Variants in ZC3HAV1L observed in about 807,000 individuals in gnomAD.
The protein encoded by ZC3HAV1L is ZC3HAV1 like.
A neutral mutation model predicts 28.2 loss-of-function variants in ZC3HAV1L; 23 were observed. The ratio of observed to expected loss-of-function variants is 0.82; its 90% CI spans 0.59 to 1.16. The LOEUF is 1.16. ZC3HAV1L is among the 50% of genes most tolerant of loss of function. The probability of loss-of-function intolerance (pLI) is 0.00; values close to 1 mark genes in which losing one functional copy is unlikely to be tolerated. For missense variants in ZC3HAV1L, 376 were observed against 387.7 expected, an observed-to-expected ratio of 0.97 and a Z score of 0.25; for synonymous variants, 180 against 163.4, an observed-to-expected ratio of 1.10 and a Z score of -0.78.
chr7:139,025,517 C>G (rs1815330348), downstream of ZC3HAV1L, among the ~76,000 whole-genome samples: 1 of 151,550 alleles, frequency 6.6e-6, no homozygotes, highest in South Asian at 2.1e-4. Flanking sequence ...GTTATATACT[C>G]TGTACTACTG....
At chr7:139,029,549 T>C (rs184103664) in intron 2 of ZC3HAV1L, among the ~76,000 whole-genome samples, 1 of 152,174 alleles carries the variant, frequency 6.6e-6, no homozygotes, top group South Asian at 2.1e-4. Flanking sequence ...CTGTAGCCAA[T>C]GAATGACTTA....
At position 139,028,977 on chromosome 7, in the gene ZC3HAV1L, G is replaced by T. The variant is rs1054615368; in HGVS notation, c.502-17C>A. 1.9e-6 allele frequency: 3 copies of T among 1,601,162 alleles called. No individual in the cohort carries two copies. The highest frequency in any genetic ancestry group is 2.2e-5 in the East Asian group (1 of 44,634). ...CAAACAGACCTGGTACAGAAATGAG[G>T]GAACACCTGAAATATTAGTTTTTCT... On this transcript the variant is annotated splice_polypyrimidine_tract_variant and intron_variant, in intron 2 of 4. Transcript: ENST00000275766.
intron 2 of ZC3HAV1L, among the ~76,000 whole-genome samples, chr7:139,033,305 T>C (rs1317914790): frequency 6.6e-6 from 1 of 152,226 alleles, no homozygotes; most frequent in Admixed American, 6.5e-5. Flanking sequence ...ATGACACTAT[T>C]TTGGCTTTCC....
downstream of ZC3HAV1L, among the ~76,000 whole-genome samples, chr7:139,024,481 T>C (rs1563112663): frequency 6.6e-6 from 1 of 152,126 alleles, no homozygotes; most frequent in Admixed American, 6.5e-5. Flanking sequence ...CATAGTAAAA[T>C]GGTAAGTGTA....
At chr7:139,035,036 G>GGC in intron 1 of ZC3HAV1L, 1 of 985,440 alleles carries the variant, frequency 1.0e-6, no homozygotes, top group Non-Finnish European at 1.2e-6. Flanking sequence ...GCACCGCTTT[G>GGC]GCGGGGTGTG....
At chr7:139,035,566 G>GC (rs1815682772) in intron 1 of ZC3HAV1L, 87 bp downstream of exon 1, 6 of 1,338,584 alleles carry the variant, frequency 4.5e-6, no homozygotes, top group Middle Eastern at 5.5e-4. Flanking sequence ...GCAGGACGAA[G>GC]CCCCCCTTCC....
chr7:139,025,449 C>CAA (rs11399688), downstream of ZC3HAV1L, among the ~76,000 whole-genome samples: 809 of 136,246 alleles, frequency 5.9e-3, 7 homozygotes, highest in African/African-American at 0.019. Context: ...ACTCTGTCTC[C>CAA]AAAAAAAAAA....
downstream of ZC3HAV1L, among the ~76,000 whole-genome samples, chr7:139,024,657 G>C (rs112387855): frequency 1.8e-4 from 27 of 152,264 alleles, 1 homozygote; most frequent in African/African-American, 6.3e-4. Context: ...TTATCCATTA[G>C]GAGAAAACAC....
At chr7:139,035,037 G>A in intron 1 of ZC3HAV1L, 2 of 985,440 alleles carry the variant, frequency 2.0e-6, no homozygotes, top group Non-Finnish European at 2.4e-6. Context: ...CACCGCTTTG[G>A]CGGGGTGTGT....
At chr7:139,035,029 C>G (rs1815658522) in intron 1 of ZC3HAV1L, 1 of 985,340 alleles carries the variant, frequency 1.0e-6, no homozygotes, top group African/African-American at 1.7e-5. Flanking sequence ...ATCCCCAGCA[C>G]CGCTTTGGCG....
chr7:139,025,235 G>A (rs181857562), downstream of ZC3HAV1L, among the ~76,000 whole-genome samples: 584 of 152,226 alleles, frequency 3.8e-3, 4 homozygotes, highest in African/African-American at 0.013. Context: ...GATCACCTGA[G>A]GTCAGGAGTT....
intron 2 of ZC3HAV1L, chr7:139,034,014 T>C (rs1815616890): frequency 1.0e-6 from 1 of 985,228 alleles, no homozygotes; most frequent in South Asian, 4.7e-5. Flanking sequence ...TGCTTGTTCC[T>C]GAGATCAACT....
Position 139,034,671 on chromosome 7 carries a change from AG to A in ZC3HAV1L, c.372del (p.Cys125ValfsTer16). 1 of 1,613,928 alleles carries A rather than the reference AG, an allele frequency of 6.2e-7. No homozygotes were observed. The highest frequency in any genetic ancestry group is 8.5e-7 in the Non-Finnish European group (1 of 1,179,840). On this transcript the variant is annotated frameshift_variant, in exon 2 of 5. Coordinates refer to ENST00000275766, the MANE Select transcript of ZC3HAV1L (RefSeq NM_080660.4). LOFTEE classifies it high-confidence loss of function. ...GKCPNRDCWS[T>X]CTLSHDIHTP... ...GTGTGGATATCATGGGAAAGGGTAC[AG>A]GTAGACCTAAAAGAACAAAGCCCTC...
In ZC3HAV1L at chr7:139,035,866, A is replaced by T; in HGVS notation, c.152T>A (p.Leu51Gln). The T allele has an allele frequency of 6.6e-7, 1 of 1,510,000 alleles. No individual in the cohort carries two copies. Among genetic ancestry groups the T allele is most frequent in the Non-Finnish European group, 8.8e-7 (1 of 1,136,976 alleles). 93.5% of individuals were successfully genotyped at this position (1,510,000 alleles called of 1,614,324 possible). A position where few individuals can be genotyped will look rare whatever the true frequency, so the allele number is the denominator to read the frequency against. Reference protein sequence around the residue: ...LQRAGPERFLLQEVETQEGLG... With the variant: ...LQRAGPERFLQQEVETQEGLG... The stretch of plus-strand genomic sequence containing the variant: ...GCCCTCCTGCGTCTCCACCTCCTGC[A>T]GCAGGAAACGCTCGGGCCCGGCGCG... Residue 51 changes from leucine (L) to glutamine (Q), a missense_variant, in exon 1 of 5, where the codon CTG becomes CAG. Leu to Gln is a moderately radical substitution (Grantham distance 113). Transcript: ENST00000275766.
At chr7:139,027,503 T>C (rs1815389771) in intron 3 of ZC3HAV1L, among the ~76,000 whole-genome samples, 1 of 152,028 alleles carries the variant, frequency 6.6e-6, no homozygotes, top group Non-Finnish European at 1.5e-5. Context: ...CAAAACCTTG[T>C]CCCTACAAAA....
In ZC3HAV1L at chr7:139,026,953, C is replaced by T. The variant is rs1031207777; in HGVS notation, c.761-120G>A. On this transcript the variant is annotated intron_variant, in intron 3 of 4. Transcript: ENST00000275766. ...TCCCAACACATGGATTTGGAGAGTT[C>T]ATGTCTTCTGGATTTTAAAAAATTG... The T allele has an allele frequency of 2.6e-5, 30 of 1,160,006 alleles. 2 individuals are homozygous for T. The South Asian group carries it at 4.6e-4, about 18-fold the overall frequency. 71.9% of individuals were successfully genotyped at this position (1,160,006 alleles called of 1,614,324 possible). A position where few individuals can be genotyped will look rare whatever the true frequency, so the allele number is the denominator to read the frequency against.
Position 139,027,887 on chromosome 7 carries a change from T to C in ZC3HAV1L, c.760+815A>G, listed in dbSNP as rs552319948. ...TAAAATTGTAACAAGTATAGTAGATTAGAGTGAGCAAAATCATATACAATT... is the reference window on the plus strand; with the variant it reads ...TAAAATTGTAACAAGTATAGTAGATCAGAGTGAGCAAAATCATATACAATT... On this transcript the variant is annotated intron_variant, in intron 3 of 4. Coordinates refer to ENST00000275766, the MANE Select transcript of ZC3HAV1L (RefSeq NM_080660.4). 1.6e-4 allele frequency among the ~76,000 whole-genome samples: 24 copies of C among 152,306 alleles called. No individual in the cohort carries two copies. The South Asian group carries it at 4.3e-3, about 28-fold the overall frequency.
At chr7:139,034,387 C>A in intron 2 of ZC3HAV1L, among the ~76,000 whole-genome samples, 156 bp downstream of exon 2, 1 of 152,094 alleles carries the variant, frequency 6.6e-6, no homozygotes, top group Non-Finnish European at 1.5e-5. Flanking sequence ...TACTATTTCG[C>A]CATGATAGCA....
In ZC3HAV1L at chr7:139,028,674, C is replaced by G. The variant is rs895850369; in HGVS notation, c.760+28G>C. Reference sequence around the variant, plus strand: ...GCATCGCAAAACCATATCGCTGATACTTCTCTGTCCTTCTTGGATATTCCT... The same window carrying G: ...GCATCGCAAAACCATATCGCTGATAGTTCTCTGTCCTTCTTGGATATTCCT... On this transcript the variant is annotated intron_variant, in intron 3 of 4. Transcript: ENST00000275766. 1.9e-6 allele frequency: 3 copies of G among 1,603,214 alleles called. No individual in the cohort carries two copies. The Admixed American group carries it at 5.0e-5, about 27-fold the overall frequency.
Sources: allele counts gnomAD v4.1 joint callset (sites outside exome capture counted in the v4.1 genomes callset), GRCh38; gene constraint gnomAD v4.1.1; transcripts MANE v1.5; gene names NCBI Gene and HGNC (gene_info 2026-07-23, HGNC 2026-07-21).